The following ERBB4 variants were observed in gnomAD, a reference collection of about 807,000 sequenced individuals.
ERBB4 encodes the protein erb-b2 receptor tyrosine kinase 4.
A neutral mutation model predicts 158.0 loss-of-function variants in ERBB4; 42 were observed. That is an observed-to-expected ratio of 0.27 (90% CI 0.21 to 0.34). The LOEUF is 0.34. ERBB4 is among the 10% of genes least tolerant of loss of function. The probability of loss-of-function intolerance (pLI) is 1.00; values close to 1 mark genes in which losing one functional copy is unlikely to be tolerated. For synonymous variants in ERBB4, 583 were observed against 558.7 expected (o/e 1.04, Z -0.61); for missense variants, 1,333 against 1,624.1 (o/e 0.82, Z 3.08).
intron 20 of ERBB4, among the ~76,000 whole-genome samples, chr2:211,526,409 C>A (rs72939461): frequency 0.19 from 29,125 of 151,950 alleles, 3,537 homozygotes; most frequent in East Asian, 0.46. Flanking sequence ...TCTGAAAGAA[C>A]AAGCACATTA....
intron 1 of ERBB4, among the ~76,000 whole-genome samples, chr2:212,369,985 A>G (rs1235754255): frequency 1.3e-5 from 2 of 152,194 alleles, no homozygotes; most frequent in Non-Finnish European, 1.5e-5. Context: ...AAAATGAGAA[A>G]TTAAAGGGAG....
chr2:211,648,262 A>T (rs896040732), intron 16 of ERBB4, among the ~76,000 whole-genome samples: 1 of 151,664 alleles, frequency 6.6e-6, no homozygotes, highest in Non-Finnish European at 1.5e-5. Flanking sequence ...ACTCAGGACA[A>T]AAACCCAGGT....
chr2:211,556,176 C>A (rs1222296630), intron 20 of ERBB4, among the ~76,000 whole-genome samples: 2 of 151,832 alleles, frequency 1.3e-5, no homozygotes, highest in African/African-American at 4.8e-5. Context: ...CAAAAAAGAT[C>A]AAAAAAGACA....
At chr2:211,633,195 G>A (rs967467363) in intron 16 of ERBB4, among the ~76,000 whole-genome samples, 2 of 152,070 alleles carry the variant, frequency 1.3e-5, no homozygotes, top group Non-Finnish European at 2.9e-5. Flanking sequence ...TCCTAGTTTG[G>A]ACAAACCAGT....
chr2:212,403,784 T>C (rs1451361848), intron 1 of ERBB4, among the ~76,000 whole-genome samples: 2 of 152,060 alleles, frequency 1.3e-5, no homozygotes, highest in African/African-American at 4.8e-5. Context: ...TTATGGAAGA[T>C]GAATAAATTC....
intron 3 of ERBB4, among the ~76,000 whole-genome samples, chr2:211,931,594 A>G (rs2080178646): frequency 6.6e-6 from 1 of 151,954 alleles, no homozygotes; most frequent in South Asian, 2.1e-4. Context: ...GGTAGTAGGT[A>G]GGTATTATCA....
In ERBB4 at chr2:212,041,465, T is replaced by C. The variant is rs1372307040; in HGVS notation, c.234+83287A>G. Reference sequence around the variant, plus strand: ...GCACCATCTTTAGTTTCCAGAATTGTTCACAAACATTATTTAATTTTCAGC... The same window carrying C: ...GCACCATCTTTAGTTTCCAGAATTGCTCACAAACATTATTTAATTTTCAGC... On this transcript the variant is annotated intron_variant, in intron 2 of 27. Transcript: ENST00000342788. Among the ~76,000 whole-genome samples, 7 of 152,172 alleles carry C rather than the reference T, an allele frequency of 4.6e-5. No homozygotes were observed. The South Asian group carries it at 1.2e-3, about 27-fold the overall frequency.
chr2:212,397,296 G>T (rs1444500581), intron 1 of ERBB4, among the ~76,000 whole-genome samples: 1 of 151,948 alleles, frequency 6.6e-6, no homozygotes, highest in Non-Finnish European at 1.5e-5. Flanking sequence ...GCAACATGGT[G>T]AAACCCACTC....
chr2:211,712,880 A>G (rs111706739), intron 8 of ERBB4, among the ~76,000 whole-genome samples: 5,788 of 152,108 alleles, frequency 0.038, 132 homozygotes, highest in Non-Finnish European at 0.055. Context: ...GTCCTTTTCT[A>G]GGGCACTCCC....
At chr2:211,549,908 T>C (rs1444891074) in intron 20 of ERBB4, among the ~76,000 whole-genome samples, 1 of 152,106 alleles carries the variant, frequency 6.6e-6, no homozygotes, top group Non-Finnish European at 1.5e-5. Flanking sequence ...TTCAGGTTCT[T>C]CAGTATCTCT....
At chr2:211,967,191 C>T (rs6707055) in intron 2 of ERBB4, among the ~76,000 whole-genome samples, 23,013 of 151,978 alleles carry the variant, frequency 0.15, 1,769 homozygotes, top group African/African-American at 0.17. Flanking sequence ...TCCATTCCCT[C>T]ATTTCCTCAT....
intron 4 of ERBB4, among the ~76,000 whole-genome samples, chr2:211,754,046 G>C (rs1010850783): frequency 3.3e-5 from 5 of 151,688 alleles, no homozygotes; most frequent in African/African-American, 1.2e-4. Flanking sequence ...ATTTTTAGTA[G>C]AGACGGGGTT....
chr2:211,820,221 T>C (rs1184064254), intron 3 of ERBB4, among the ~76,000 whole-genome samples: 2 of 151,930 alleles, frequency 1.3e-5, no homozygotes, highest in African/African-American at 4.8e-5. Context: ...TTATGCTTGC[T>C]TAACAGCAGC....
chr2:211,427,875 A>C (rs1453318512), intron 22 of ERBB4, among the ~76,000 whole-genome samples: 2 of 151,176 alleles, frequency 1.3e-5, no homozygotes, highest in Non-Finnish European at 2.9e-5. Flanking sequence ...GCAAGTTCCT[A>C]CAAAACCACA....
At chr2:212,449,677 A>T (rs1033489135) in intron 1 of ERBB4, among the ~76,000 whole-genome samples, 1 of 152,102 alleles carries the variant, frequency 6.6e-6, no homozygotes, top group Non-Finnish European at 1.5e-5. Context: ...ACATTGCATT[A>T]ATTTTTGACC....
rs1315249003 is a variant in ERBB4 at position 212,191,676 on chromosome 2, GTGTGTTATACATGTTACATATAACA to G, written c.83-66798_83-66774del. 2.9e-4 allele frequency among the ~76,000 whole-genome samples: 37 copies of G among 125,984 alleles called. 1 individual carries two copies. Among genetic ancestry groups the G allele is most frequent in the South Asian group, 1.0e-3 (4 of 4,016 alleles). The allele number at this position is 125,984 out of a possible 152,430, so 82.7% of individuals were successfully genotyped here. A position where few individuals can be genotyped will look rare whatever the true frequency, so the allele number is the denominator to read the frequency against. On this transcript the variant is annotated intron_variant, in intron 1 of 27. Coordinates refer to ENST00000342788, the MANE Select transcript of ERBB4 (RefSeq NM_005235.3). ...ATGCGTTATACATGTCATATATCGC[GTGTGTTATACATGTTACATATAACA>G]CGTGTTATACATGTTACATATAACA...
chr2:212,360,143 CA>C (rs2089630052), intron 1 of ERBB4, among the ~76,000 whole-genome samples: 1 of 151,716 alleles, frequency 6.6e-6, no homozygotes, highest in East Asian at 1.9e-4. Context: ...ACCTTTCTAT[CA>C]CTTCAAAATG....
intron 1 of ERBB4, among the ~76,000 whole-genome samples, chr2:212,168,138 G>C (rs182591125): frequency 2.0e-5 from 3 of 151,084 alleles, no homozygotes; most frequent in South Asian, 2.1e-4. Flanking sequence ...TGAAAATCAA[G>C]TCTTTAAAAT....
rs62182604 is a variant in ERBB4 at position 212,220,345 on chromosome 2, G to A, written c.83-95442C>T. Among the ~76,000 whole-genome samples, 865 of 151,392 alleles carry A rather than the reference G, an allele frequency of 5.7e-3. 6 individuals carry two copies. Among genetic ancestry groups the A allele is most frequent in the Non-Finnish European group, 9.7e-3 (652 of 67,492 alleles). On this transcript the variant is annotated intron_variant, in intron 1 of 27. Transcript: ENST00000342788. ...ATCTATTTTAAATCTAAACACATAA[G>A]TACACTATCAAGTGGACACAAATAA...
Sources: allele counts gnomAD v4.1 joint callset (sites outside exome capture counted in the v4.1 genomes callset), GRCh38; gene constraint gnomAD v4.1.1; transcripts MANE v1.5; gene names NCBI Gene and HGNC (gene_info 2026-07-23, HGNC 2026-07-21).